Variants in CCPG1 observed in about 807,000 individuals in gnomAD.
CCPG1 encodes the protein cell cycle progression protein 1.
A neutral mutation model predicts 81.3 loss-of-function variants in CCPG1; 46 were observed. That is an observed-to-expected ratio of 0.57 (90% CI 0.45 to 0.72). The LOEUF is 0.72. Among genes scored for constraint, CCPG1 ranks in the 30% least tolerant of loss-of-function variants. CCPG1 has a pLI of 0.00. For missense variants in CCPG1, 902 were observed against 937.6 expected, an observed-to-expected ratio of 0.96 and a Z score of 0.50; for synonymous variants, 330 against 305.2, an observed-to-expected ratio of 1.08 and a Z score of -0.85.
chr15:55,390,925 C>T (rs1191977153), intron 1 of CCPG1, among the ~76,000 whole-genome samples: 2 of 152,064 alleles, frequency 1.3e-5, no homozygotes, highest in African/African-American at 4.8e-5. Context: ...TTTCTAATTT[C>T]AATTAAGGCC....
chr15:55,362,457 T>G (rs1595821151), intron 7 of CCPG1, among the ~76,000 whole-genome samples: 1 of 152,184 alleles, frequency 6.6e-6, no homozygotes, highest in East Asian at 1.9e-4. Flanking sequence ...AATAAAGATT[T>G]AAAATTTAAT....
chr15:55,390,202 G>A lies in CCPG1; in HGVS notation c.-9-769C>T, dbSNP rs549667659. On this transcript the variant is annotated intron_variant, in intron 1 of 8. Transcript: ENST00000442196. ...CTCCCAAAGTGCTGGGATTACAGGC[G>A]TGAACCACTGCGCCCGGCAATCAAA... Among the ~76,000 whole-genome samples, 52 of 152,292 alleles carry A rather than the reference G, an allele frequency of 3.4e-4. 1 individual carries two copies. The highest frequency in any genetic ancestry group is 5.4e-4 in the Non-Finnish European group (37 of 68,020).
At chr15:55,358,705 T>C in intron 8 of CCPG1, 1 of 985,438 alleles carries the variant, frequency 1.0e-6, no homozygotes, top group Non-Finnish European at 1.2e-6. Context: ...CATACCTTAA[T>C]TTCATTTATT....
intron 6 of CCPG1, among the ~76,000 whole-genome samples, chr15:55,367,854 C>T (rs1013082033): frequency 6.6e-6 from 1 of 152,066 alleles, no homozygotes; most frequent in African/African-American, 2.4e-5. Context: ...ACTGTTATTC[C>T]AATTGTCAAG....
chr15:55,383,209 C>T (rs1218664569), intron 3 of CCPG1, among the ~76,000 whole-genome samples: 6 of 152,160 alleles, frequency 3.9e-5, no homozygotes, highest in Admixed American at 3.3e-4. Flanking sequence ...CAGAGCCCTT[C>T]GGTGATTGAC....
At chr15:55,358,446 C>A (rs917143936) in intron 8 of CCPG1, 2 of 985,292 alleles carry the variant, frequency 2.0e-6, no homozygotes, top group Non-Finnish European at 2.4e-6. Context: ...CAGGACAAAA[C>A]CTTTAGCATA....
intron 7 of CCPG1, among the ~76,000 whole-genome samples, chr15:55,363,746 T>C (rs1287305880): frequency 1.3e-5 from 2 of 149,392 alleles, no homozygotes; most frequent in African/African-American, 2.4e-5. Context: ...AGTGTGAGAA[T>C]TGGGGGTGGA....
chr15:55,378,108 GTGA>G (rs1051685081), intron 4 of CCPG1, among the ~76,000 whole-genome samples, 189 bp downstream of exon 4: 1 of 152,070 alleles, frequency 6.6e-6, no homozygotes, highest in African/African-American at 2.4e-5. Context: ...TATATTAGAG[GTGA>G]AAAGATAGAT....
rs57640801 is a variant in CCPG1, at chr15:55,379,161, CGT to C, written c.176-787_176-786del. 3.4e-3 allele frequency among the ~76,000 whole-genome samples: 461 copies of C among 134,646 alleles called. 6 individuals carry two copies. The highest frequency in any genetic ancestry group is 0.018 in the Middle Eastern group (5 of 274). 88.3% of individuals were successfully genotyped at this position (134,646 alleles called of 152,430 possible). A position where few individuals can be genotyped will look rare whatever the true frequency, so the allele number is the denominator to read the frequency against. Reference sequence around the variant, plus strand: ...TTATGAAAGTATGTATGTATATGTACGTGTGTGTGTGTGTGTGTGTGTGTGTG... The same window carrying C: ...TTATGAAAGTATGTATGTATATGTACGTGTGTGTGTGTGTGTGTGTGTGTG... On this transcript the variant is annotated intron_variant, in intron 3 of 8. Coordinates refer to ENST00000442196, the MANE Select transcript of CCPG1 (RefSeq NM_001204450.2).
chr15:55,358,673 A>G, intron 8 of CCPG1: 2 of 981,878 alleles, frequency 2.0e-6, no homozygotes, highest in Non-Finnish European at 2.4e-6. Context: ...ACACCTCCAG[A>G]CAGCCTGAGG....
chr15:55,386,073 C>G (rs1234513205), intron 2 of CCPG1, among the ~76,000 whole-genome samples: 1 of 151,914 alleles, frequency 6.6e-6, no homozygotes, highest in Admixed American at 6.6e-5. Context: ...CAAGGCACTT[C>G]GCTAGATGCT....
Position 55,356,094 on chromosome 15 carries a change from C to A in CCPG1, c.*126G>T. The stretch of plus-strand genomic sequence containing the variant: ...CTTCTGAGGAATAATATAAAGTTAT[C>A]AAACTGATACTTAGAAACAAAAGAA... On this transcript the variant is annotated 3_prime_UTR_variant, in exon 9 of 9. Coordinates refer to ENST00000442196, the MANE Select transcript of CCPG1 (RefSeq NM_001204450.2). The A allele has an allele frequency of 1.4e-6, 1 of 730,850 alleles. No individual in the cohort carries two copies. The highest frequency in any genetic ancestry group is 2.2e-6 in the Non-Finnish European group (1 of 464,890). The allele number at this position is 730,850 out of a possible 1,614,324, so 45.3% of individuals were successfully genotyped here. A position where few individuals can be genotyped will look rare whatever the true frequency, so the allele number is the denominator to read the frequency against.
At chr15:55,356,943 AC>A (rs1233088592) in intron 8 of CCPG1, 1 of 985,570 alleles carries the variant, frequency 1.0e-6, no homozygotes, top group African/African-American at 1.7e-5. Flanking sequence ...CATTTTCCGC[AC>A]ATCAACTTTT....
intron 1 of CCPG1, among the ~76,000 whole-genome samples, chr15:55,398,049 T>A (rs1291639789): frequency 6.6e-6 from 1 of 152,046 alleles, no homozygotes. Flanking sequence ...ATAGTTATTA[T>A]CACATCCAAG....
Position 55,371,972 on chromosome 15 carries a change from C to A in CCPG1, c.527G>T (p.Arg176Ile). ...GGTCTTCTTCCTAGCACGGCGTCGTCTAAAGGCAGGACTGGGCTGATTACT... is the reference window on the plus strand; with the variant it reads ...GGTCTTCTTCCTAGCACGGCGTCGTATAAAGGCAGGACTGGGCTGATTACT... ...ETSNQPSPAF[R>I]RRRARKKTVS... The change falls in exon 6 of 9, where the codon AGA becomes ATA. Residue 176 changes from arginine (R) to isoleucine (I), a missense_variant. Arg to Ile is a moderately conservative substitution (Grantham distance 97). This residue lies in a region of CCPG1 where 746 missense variants were observed against 728.6 expected (regional missense o/e 1.02). Transcript: ENST00000442196. The A allele has an allele frequency of 6.2e-7, 1 of 1,614,164 alleles. No individual in the cohort carries two copies. Among genetic ancestry groups the A allele is most frequent in the Non-Finnish European group, 8.5e-7 (1 of 1,180,000 alleles).
Position 55,376,987 on chromosome 15 carries a change from G to C in CCPG1, c.416C>G (p.Ser139Cys). ...QSSEDFNMGSSSSSQYTFCQP... is the reference protein window; with the variant it reads ...QSSEDFNMGSCSSSQYTFCQP... The stretch of plus-strand genomic sequence containing the variant: ...ACAGAAAGTATACTGGCTGCTAGAG[G>C]AAGAGCCCATGTTAAAGTCTTCTGA... The change falls in exon 5 of 9, where the codon TCC (serine) becomes TGC (cysteine). Residue 139 changes from serine (S) to cysteine (C), a missense_variant. Physicochemically the swap from Ser to Cys is moderately radical, Grantham distance 112. Transcript: ENST00000442196. 6.2e-7 allele frequency: 1 copy of C among 1,613,628 alleles called. No homozygotes were observed. The highest frequency in any genetic ancestry group is 8.5e-7 in the Non-Finnish European group (1 of 1,179,950).
At chr15:55,374,181 T>C (rs1197607056) in intron 5 of CCPG1, 1 of 1,289,082 alleles carries the variant, frequency 7.8e-7, no homozygotes, top group South Asian at 1.2e-5. Flanking sequence ...GCTAGGAACA[T>C]GGTGTTTCAG....
intron 6 of CCPG1, among the ~76,000 whole-genome samples, chr15:55,368,883 A>C (rs1595829595): frequency 6.6e-6 from 1 of 150,604 alleles, no homozygotes; most frequent in African/African-American, 2.4e-5. Flanking sequence ...AGGCCGAGGC[A>C]GGCGGATCAC....
chr15:55,371,984 C>G lies in CCPG1; in HGVS notation c.515G>C (p.Ser172Thr). The change falls in exon 6 of 9, where the codon AGT (serine) becomes ACT (threonine). Residue 172 changes from serine (S) to threonine (T), a missense_variant. By Grantham distance (58) the Ser-to-Thr change is moderately conservative. Around this residue, in one of 3 missense-constraint regions of CCPG1, gnomAD observed 746 missense variants for 728.6 expected, o/e 1.02. Coordinates refer to ENST00000442196, the MANE Select transcript of CCPG1 (RefSeq NM_001204450.2). Reference protein sequence around the residue: ...SSSDETSNQPSPAFRRRRARK... With the variant: ...SSSDETSNQPTPAFRRRRARK... ...AGCACGGCGTCGTCTAAAGGCAGGACTGGGCTGATTACTGGTTTCATCACT... is the reference window on the plus strand; with the variant it reads ...AGCACGGCGTCGTCTAAAGGCAGGAGTGGGCTGATTACTGGTTTCATCACT... 1 of 1,614,110 alleles carries G rather than the reference C, an allele frequency of 6.2e-7. No homozygotes were observed. The highest frequency in any genetic ancestry group is 8.5e-7 in the Non-Finnish European group (1 of 1,179,970).
Sources: gnomAD v4.1 joint callset for allele counts (sites outside exome capture counted in the v4.1 genomes callset) on GRCh38, gnomAD v4.1.1 for gene constraint, gnomAD v4.1.1 regional missense constraint, MANE v1.5 for transcripts, NCBI Gene and HGNC (gene_info 2026-07-23, HGNC 2026-07-21) for gene names.